The following FLVCR2 variants were observed in gnomAD, a reference collection of about 807,000 sequenced individuals.
FLVCR2 encodes choline/ethanolamine transporter FLVCR2.
FLVCR2 carries 38 observed loss-of-function variants against 48.9 expected under a neutral mutation model. The ratio of observed to expected loss-of-function variants is 0.78; its 90% CI spans 0.60 to 1.02. The LOEUF is 1.02. Among genes scored for constraint, FLVCR2 ranks in the 50% least tolerant of loss-of-function variants. FLVCR2 has a pLI of 0.00. For missense variants in FLVCR2, 664 were observed against 663.3 expected, an observed-to-expected ratio of 1.00 and a Z score of -0.01; for synonymous variants, 255 against 257.0, an observed-to-expected ratio of 0.99 and a Z score of 0.07.
In FLVCR2 at chr14:75,646,437, A is replaced by C; in HGVS notation, c.1546A>C (p.Lys516Gln). 6.2e-7 allele frequency: 1 copy of C among 1,614,048 alleles called. No homozygotes were observed. The change falls in exon 10 of 10, where the codon AAA becomes CAA. Residue 516 changes from lysine to glutamine, a missense_variant. Coordinates refer to ENST00000238667, the MANE Select transcript of FLVCR2 (RefSeq NM_017791.3). Reference sequence around the variant, plus strand: ...GGAGGAGGAGGAGAGCAACACCAGCAAAGTGCCCACTGCTGTGTCAGAGGA... The same window carrying C: ...GGAGGAGGAGGAGAGCAACACCAGCCAAGTGCCCACTGCTGTGTCAGAGGA... ...QEEEEESNTS[K>Q]VPTAVSEDHL is the part of the protein sequence containing the mutation.
intron 1 of FLVCR2, among the ~76,000 whole-genome samples, chr14:75,610,673 C>T (rs1889419864): frequency 6.6e-6 from 1 of 152,212 alleles, no homozygotes; most frequent in Non-Finnish European, 1.5e-5. Flanking sequence ...GCATCTTTCT[C>T]TTCCCTTCTG....
chr14:75,648,036 A>T lies in FLVCR2; in HGVS notation c.*1564A>T, dbSNP rs966108498. 1.3e-5 allele frequency: 2 copies of T among 152,784 alleles called. No individual in the cohort carries two copies. The highest frequency in any genetic ancestry group is 1.3e-4 in the Admixed American group (2 of 15,282). The allele number at this position is 152,784 out of a possible 1,614,324, so 9.5% of individuals were successfully genotyped here. ...GCTTTACTTTTTGATAAAGAGAAAG[A>T]TGTTTACTCATAAACCCTTCAAAAG... On this transcript the variant is annotated 3_prime_UTR_variant, in exon 10 of 10. Coordinates refer to ENST00000238667, the MANE Select transcript of FLVCR2 (RefSeq NM_017791.3).
At chr14:75,600,455 C>T (rs1280693338) in intron 1 of FLVCR2, among the ~76,000 whole-genome samples, 1 of 152,184 alleles carries the variant, frequency 6.6e-6, no homozygotes, top group Non-Finnish European at 1.5e-5. Flanking sequence ...TCTTAATAAA[C>T]TTGCTTTCAC....
At chr14:75,607,234 C>T (rs1481610256) in intron 1 of FLVCR2, among the ~76,000 whole-genome samples, 6 of 152,314 alleles carry the variant, frequency 3.9e-5, no homozygotes, top group African/African-American at 1.4e-4. Flanking sequence ...CTATGTGAAA[C>T]AGCTCCTGGA....
At chr14:75,586,061 C>T (rs940831088) in intron 1 of FLVCR2, among the ~76,000 whole-genome samples, 2 of 152,162 alleles carry the variant, frequency 1.3e-5, no homozygotes, top group East Asian at 1.9e-4. Context: ...CCTGGGTCTT[C>T]GGCACTAAAT....
intron 1 of FLVCR2, among the ~76,000 whole-genome samples, chr14:75,609,826 A>G (rs1024105904): frequency 2.0e-5 from 3 of 151,710 alleles, no homozygotes; most frequent in East Asian, 1.9e-4. Context: ...TGCCTTGCAG[A>G]CAAAGGAGAC....
At chr14:75,612,237 G>A (rs1017266301) in intron 1 of FLVCR2, among the ~76,000 whole-genome samples, 2 of 152,178 alleles carry the variant, frequency 1.3e-5, no homozygotes, top group Admixed American at 6.5e-5. Flanking sequence ...ATCAATGATT[G>A]TAGGCTATCC....
chr14:75,622,746 A>C lies in FLVCR2; in HGVS notation c.811+526A>C, dbSNP rs531110391. ...CTATTCTAAATTTCTAAAAAAAAAA[A>C]ACTGAAATTGATCCATAAAACTAAT... On this transcript the variant is annotated intron_variant, in intron 2 of 9. Transcript: ENST00000238667. 1.4e-4 allele frequency among the ~76,000 whole-genome samples: 21 copies of C among 152,328 alleles called. No homozygotes were observed. The East Asian group carries it at 3.7e-3, about 27-fold the overall frequency.
intron 1 of FLVCR2, among the ~76,000 whole-genome samples, chr14:75,614,382 G>A (rs1008395): frequency 1 from 152,363 of 152,364 alleles, 76,181 homozygotes; most frequent in Non-Finnish European, 1. Flanking sequence ...TTGAGTAAGC[G>A]CCAGACTAGC....
intron 3 of FLVCR2, among the ~76,000 whole-genome samples, chr14:75,625,589 GT>G (rs1259963864): frequency 6.6e-6 from 1 of 151,870 alleles, no homozygotes; most frequent in African/African-American, 2.4e-5. Flanking sequence ...CCTACATTTG[GT>G]CATTTAATCC....
chr14:75,611,280 G>A (rs956286031), intron 1 of FLVCR2, among the ~76,000 whole-genome samples: 2 of 152,228 alleles, frequency 1.3e-5, no homozygotes, highest in South Asian at 4.1e-4. Context: ...GAGCATATGA[G>A]ACTGGAGGGA....
At chr14:75,640,498 G>A (rs1890285259) in intron 6 of FLVCR2, among the ~76,000 whole-genome samples, 2 of 152,082 alleles carry the variant, frequency 1.3e-5, no homozygotes, top group East Asian at 1.9e-4. Flanking sequence ...GTCCTCAGCT[G>A]GTTCCTCTCT....
intron 5 of FLVCR2, among the ~76,000 whole-genome samples, chr14:75,638,227 G>A (rs918987006): frequency 1.3e-5 from 2 of 152,130 alleles, no homozygotes; most frequent in African/African-American, 4.8e-5. Flanking sequence ...CCTGAGGTCA[G>A]GAGTTTGAGA....
chr14:75,618,352 C>T (rs749534167), intron 1 of FLVCR2, among the ~76,000 whole-genome samples: 7 of 152,092 alleles, frequency 4.6e-5, no homozygotes, highest in African/African-American at 9.7e-5. Context: ...GTACTGGTGA[C>T]GTTTGTTATG....
chr14:75,616,658 A>G (rs1056383371), intron 1 of FLVCR2, among the ~76,000 whole-genome samples: 1 of 152,166 alleles, frequency 6.6e-6, no homozygotes, highest in Admixed American at 6.5e-5. Flanking sequence ...TGGTTTGAGC[A>G]AATTGGGGCC....
At chr14:75,623,395 C>T (rs1248790479) in intron 2 of FLVCR2, among the ~76,000 whole-genome samples, 2 of 152,172 alleles carry the variant, frequency 1.3e-5, no homozygotes, top group South Asian at 4.2e-4. Flanking sequence ...CTATGATAAA[C>T]TTAGAACCAG....
At chr14:75,612,349 C>T (rs190333079) in intron 1 of FLVCR2, among the ~76,000 whole-genome samples, 2 of 152,286 alleles carry the variant, frequency 1.3e-5, no homozygotes, top group Admixed American at 1.3e-4. Context: ...AGCATAATCA[C>T]AGCTTTCAGG....
chr14:75,637,431 G>C (rs746075433), intron 5 of FLVCR2, among the ~76,000 whole-genome samples: 4 of 152,192 alleles, frequency 2.6e-5, no homozygotes, highest in Non-Finnish European at 5.9e-5. Flanking sequence ...GTAAAGAAAA[G>C]CTTTAAAGAT....
At chr14:75,624,366 A>G (rs954313357) in intron 2 of FLVCR2, among the ~76,000 whole-genome samples, 17 of 142,498 alleles carry the variant, frequency 1.2e-4, no homozygotes, top group African/African-American at 3.7e-4. Context: ...AAAAATAAAG[A>G]AAAAAAAAAA....
Sources: gnomAD v4.1 joint callset for allele counts (sites outside exome capture counted in the v4.1 genomes callset) on GRCh38, gnomAD v4.1.1 for gene constraint, MANE v1.5 for transcripts, NCBI Gene and HGNC (gene_info 2026-07-23, HGNC 2026-07-21) for gene names.